Variants in NFE2L3 observed in about 807,000 individuals in gnomAD.
NFE2L3 encodes nuclear factor erythroid 2-related factor 3.
A neutral mutation model predicts 23.5 loss-of-function variants in NFE2L3; 18 were observed. That is an observed-to-expected ratio of 0.77 (90% CI 0.53 to 1.13). The LOEUF (loss-of-function observed/expected upper bound fraction) is 1.13. NFE2L3 is among the 50% of genes most tolerant of loss of function. The pLI is 0.00. For synonymous variants in NFE2L3, 424 were observed against 354.5 expected (o/e 1.20, Z -2.20); for missense variants, 1,152 against 877.2 (o/e 1.31, Z -3.96).
Position 26,185,213 on chromosome 7 carries a change from T to TGCA in NFE2L3, c.1516_1518dup (p.Ala506dup), listed in dbSNP as rs765999614. On this transcript the variant is annotated inframe_insertion, in exon 4 of 4. Transcript: ENST00000056233. Reference sequence around the variant, plus strand: ...ACCACACTTACCACTTACAGCCAACTGCACCAGAATCTACTTCTGAACCTT... The same window carrying TGCA: ...ACCACACTTACCACTTACAGCCAACTGCAGCACCAGAATCTACTTCTGAACCTT... 7 of 1,613,828 alleles carry TGCA rather than the reference T, an allele frequency of 4.3e-6. No homozygotes were observed. The South Asian group carries it at 5.5e-5, about 13-fold the overall frequency.
chr7:26,160,945 A>G (rs931822294), intron 1 of NFE2L3, among the ~76,000 whole-genome samples: 2 of 152,238 alleles, frequency 1.3e-5, no homozygotes, highest in Non-Finnish European at 2.9e-5. Flanking sequence ...ATTAAATGAC[A>G]CTGTATGTTT....
rs1782497892 is a variant in NFE2L3, at chr7:26,186,786, A to C, written c.*1003A>C. On this transcript the variant is annotated 3_prime_UTR_variant, in exon 4 of 4. Coordinates refer to ENST00000056233, the MANE Select transcript of NFE2L3 (RefSeq NM_004289.7). ...GGCAAAAGCGATTAAGGGAAAAAAA[A>C]CAGGTGAATTTGAAAATAAACCAGG... is the stretch of plus-strand genomic sequence containing the variant. The C allele has an allele frequency of 6.6e-6, 1 of 152,218 alleles. No individual in the cohort carries two copies. Among genetic ancestry groups the C allele is most frequent in the South Asian group, 2.1e-4 (1 of 4,836 alleles). 9.4% of individuals were successfully genotyped at this position (152,218 alleles called of 1,614,324 possible).
intron 1 of NFE2L3, among the ~76,000 whole-genome samples, chr7:26,170,691 A>G (rs1371275603): frequency 6.6e-6 from 1 of 152,242 alleles, no homozygotes; most frequent in African/African-American, 2.4e-5. Context: ...AGTATCAGGA[A>G]TTCCAATGTT....
At chr7:26,170,770 C>T (rs1481777956) in intron 1 of NFE2L3, among the ~76,000 whole-genome samples, 1 of 152,188 alleles carries the variant, frequency 6.6e-6, no homozygotes, top group African/African-American at 2.4e-5. Context: ...AAAAGCACAT[C>T]AGAGAAGACC....
chr7:26,178,979 C>T (rs749249237), intron 2 of NFE2L3, among the ~76,000 whole-genome samples: 5 of 152,088 alleles, frequency 3.3e-5, no homozygotes, highest in Non-Finnish European at 7.4e-5. Flanking sequence ...ATGCCCTGAC[C>T]CTTCTCAGAC....
intron 2 of NFE2L3, among the ~76,000 whole-genome samples, chr7:26,181,436 A>G (rs1026716898): frequency 3.9e-5 from 6 of 152,210 alleles, no homozygotes; most frequent in African/African-American, 1.4e-4. Flanking sequence ...AAGAATATCT[A>G]GGAAATGGGG....
intron 1 of NFE2L3, among the ~76,000 whole-genome samples, chr7:26,166,174 G>A (rs1784248974): frequency 6.6e-6 from 1 of 152,122 alleles, no homozygotes; most frequent in Admixed American, 6.5e-5. Context: ...CTCAATGGAA[G>A]AGACTTAAAT....
intron 1 of NFE2L3, among the ~76,000 whole-genome samples, chr7:26,157,070 CT>C: frequency 6.6e-6 from 1 of 151,978 alleles, no homozygotes; most frequent in East Asian, 1.9e-4. Context: ...CGAGATCGCT[CT>C]ACTGCACTCC....
At chr7:26,162,409 G>A (rs1250723775) in intron 1 of NFE2L3, among the ~76,000 whole-genome samples, 1 of 152,072 alleles carries the variant, frequency 6.6e-6, no homozygotes, top group Non-Finnish European at 1.5e-5. Context: ...CTGGGTAATA[G>A]TTACATGGAA....
chr7:26,186,580 T>C lies in NFE2L3; in HGVS notation c.*797T>C, dbSNP rs1782493442. ...CTTCCTCATGTAACCAGAGACAGAA[T>C]GGGCTACTTGCAAAAACGTAACTCC... On this transcript the variant is annotated 3_prime_UTR_variant, in exon 4 of 4. Coordinates refer to ENST00000056233, the MANE Select transcript of NFE2L3 (RefSeq NM_004289.7). 2 of 152,158 alleles carry C rather than the reference T, an allele frequency of 1.3e-5. No individual in the cohort carries two copies. Among genetic ancestry groups the C allele is most frequent in the South Asian group, 2.1e-4 (1 of 4,836 alleles). 9.4% of individuals were successfully genotyped at this position (152,158 alleles called of 1,614,324 possible). A position where few individuals can be genotyped will look rare whatever the true frequency, so the allele number is the denominator to read the frequency against.
At chr7:26,183,067 G>A (rs750471117) in intron 2 of NFE2L3, among the ~76,000 whole-genome samples, 2 of 152,008 alleles carry the variant, frequency 1.3e-5, no homozygotes, top group South Asian at 2.1e-4. Flanking sequence ...GATTACAAGC[G>A]TGAGCCACCA....
intron 1 of NFE2L3, among the ~76,000 whole-genome samples, chr7:26,167,175 G>T (rs145145935): frequency 1.3e-5 from 2 of 152,144 alleles, no homozygotes; most frequent in East Asian, 3.8e-4. Flanking sequence ...CTTCTTACCC[G>T]GGTGGCAAAG....
Position 26,186,713 on chromosome 7 carries a change from A to G in NFE2L3, c.*930A>G, listed in dbSNP as rs1304220707. 1 of 152,252 alleles carries G rather than the reference A, an allele frequency of 6.6e-6. No homozygotes were observed. Among genetic ancestry groups the G allele is most frequent in the Admixed American group, 6.5e-5 (1 of 15,276 alleles). 9.4% of individuals were successfully genotyped at this position (152,252 alleles called of 1,614,324 possible). On this transcript the variant is annotated 3_prime_UTR_variant, in exon 4 of 4. Transcript: ENST00000056233. ...CTCACCAGAACACTGTAAGCCATAT[A>G]AACAGTAGGGAAAGAGTCAGCAACA...
intron 1 of NFE2L3, among the ~76,000 whole-genome samples, chr7:26,175,118 G>A (rs975988428): frequency 6.0e-5 from 9 of 150,930 alleles, no homozygotes; most frequent in South Asian, 2.1e-4. Flanking sequence ...AGGCTGAGGC[G>A]GACGGATCAT....
At chr7:26,183,955 A>G in intron 3 of NFE2L3, 171 bp downstream of exon 3, 1 of 552,698 alleles carries the variant, frequency 1.8e-6, no homozygotes, top group Non-Finnish European at 3.2e-6. Flanking sequence ...CTCTTTCCAA[A>G]TAATCCCAAA....
At chr7:26,177,715 G>C (rs1784440051) in intron 1 of NFE2L3, among the ~76,000 whole-genome samples, 1 of 152,210 alleles carries the variant, frequency 6.6e-6, no homozygotes, top group Admixed American at 6.5e-5. Context: ...TTTAAATTCA[G>C]GGGCTTTATA....
Position 26,185,268 on chromosome 7 carries a change from A to G in NFE2L3, c.1570A>G (p.Arg524Gly). 2 of 1,614,068 alleles carry G rather than the reference A, an allele frequency of 1.2e-6. No individual in the cohort carries two copies. Among genetic ancestry groups the G allele is most frequent in the South Asian group, 2.2e-5 (2 of 91,066 alleles). Residue 524 changes from arginine (R) to glycine (G), a missense_variant, in exon 4 of 4, where the codon AGG becomes GGG. By Grantham distance (125) the Arg-to-Gly change is moderately radical (BLOSUM62 -2). Coordinates refer to ENST00000056233, the MANE Select transcript of NFE2L3 (RefSeq NM_004289.7). ...GTGGCCTGGGAAGTCACAGAAGATA[A>G]GGAGTAGATACCTTGAAGACACAGA... ...FPWPGKSQKIRSRYLEDTDRN... is the reference protein window; with the variant it reads ...FPWPGKSQKIGSRYLEDTDRN...
intron 1 of NFE2L3, among the ~76,000 whole-genome samples, chr7:26,163,220 T>C (rs922467548): frequency 4.6e-5 from 7 of 152,212 alleles, no homozygotes; most frequent in African/African-American, 1.4e-4. Context: ...GTTCCTTTCT[T>C]ACTCTTCCAC....
rs769856275 is a variant in NFE2L3, at chr7:26,185,364, G to C, written c.1666G>C (p.Gly556Arg). ...CCCTTTTTCTGTAGATGAAATTGTC[G>C]GCATGCCTGTTGATTCTTTCAATAG... ...HIPFSVDEIVGMPVDSFNSML... is the reference protein window; with the variant it reads ...HIPFSVDEIVRMPVDSFNSML... Residue 556 changes from glycine to arginine, a missense_variant, in exon 4 of 4, where the codon GGC (glycine) becomes CGC (arginine). Gly to Arg is a moderately radical substitution (Grantham distance 125). Coordinates refer to ENST00000056233, the MANE Select transcript of NFE2L3 (RefSeq NM_004289.7). 1.2e-6 allele frequency: 2 copies of C among 1,613,934 alleles called. No individual in the cohort carries two copies. The highest frequency in any genetic ancestry group is 1.7e-6 in the Non-Finnish European group (2 of 1,180,000).
Sources: gnomAD v4.1 joint callset for allele counts (sites outside exome capture counted in the v4.1 genomes callset) on GRCh38, gnomAD v4.1.1 for gene constraint, MANE v1.5 for transcripts, NCBI Gene and HGNC (gene_info 2026-07-23, HGNC 2026-07-21) for gene names.